The following BEGAIN variants were observed in gnomAD, a reference collection of about 807,000 sequenced individuals.
The protein encoded by BEGAIN is brain-enriched guanylate kinase-associated protein.
In BEGAIN, 19 loss-of-function variants were observed where a neutral mutation model predicts 35.8. The ratio of observed to expected loss-of-function variants is 0.53; its 90% CI spans 0.37 to 0.78. BEGAIN has a LOEUF of 0.78. Ranked by LOEUF, BEGAIN falls within the 30% of genes least tolerant of loss-of-function variation. The probability of loss-of-function intolerance (pLI) is 0.00; values close to 1 mark genes in which losing one functional copy is unlikely to be tolerated. For missense variants in BEGAIN, 795 were observed against 853.6 expected, an observed-to-expected ratio of 0.93 and a Z score of 0.85; for synonymous variants, 462 against 388.6, an observed-to-expected ratio of 1.19 and a Z score of -2.22.
rs2030764123 is a variant in BEGAIN at position 100,537,699 on chromosome 14, A to AG, written c.*269dup. ...TATAAAAATAGTTTCGCTTTATAAA[A>AG]GGGGGGATGCTCCTCTCACATGGGG... On this transcript the variant is annotated 3_prime_UTR_variant, in exon 7 of 7. Transcript: ENST00000554140. The AG allele has an allele frequency of 2.3e-6, 1 of 435,500 alleles. No homozygotes were observed. Among genetic ancestry groups the AG allele is most frequent in the African/African-American group, 2.0e-5 (1 of 48,866 alleles). 27.0% of individuals were successfully genotyped at this position (435,500 alleles called of 1,614,324 possible). A position where few individuals can be genotyped will look rare whatever the true frequency, so the allele number is the denominator to read the frequency against.
In BEGAIN at chr14:100,540,645, G is replaced by A. The variant is rs1417427141; in HGVS notation, c.409-66C>T. 7 of 1,262,060 alleles carry A rather than the reference G, an allele frequency of 5.5e-6. No homozygotes were observed. The Middle Eastern group carries it at 7.3e-4, about 132-fold the overall frequency. 78.2% of individuals were successfully genotyped at this position (1,262,060 alleles called of 1,614,324 possible). A position where few individuals can be genotyped will look rare whatever the true frequency, so the allele number is the denominator to read the frequency against. On this transcript the variant is annotated intron_variant, in intron 5 of 6. Coordinates refer to ENST00000554140, the MANE Select transcript of BEGAIN (RefSeq NM_001385089.1). ...CCAAGGCCCCGCCGCCCTGACCAGC[G>A]CCAAGTGGCCAGCGGGGGCAGTGGT...
At chr14:100,577,154 A>C (rs1017006665) in intron 1 of BEGAIN, among the ~76,000 whole-genome samples, 5 of 152,222 alleles carry the variant, frequency 3.3e-5, no homozygotes, top group Non-Finnish European at 7.3e-5. Context: ...CCAAAGCCAG[A>C]AATTTCACCT....
At chr14:100,553,345 G>T (rs556249644) in intron 2 of BEGAIN, among the ~76,000 whole-genome samples, 1 of 152,106 alleles carries the variant, frequency 6.6e-6, no homozygotes, top group African/African-American at 2.4e-5. Flanking sequence ...CCTGTGGGAC[G>T]CTGTGACTGC....
chr14:100,553,643 T>A (rs1170368148), intron 2 of BEGAIN, among the ~76,000 whole-genome samples: 1 of 152,082 alleles, frequency 6.6e-6, no homozygotes, highest in Non-Finnish European at 1.5e-5. Flanking sequence ...CCCCAGGTCC[T>A]CTCCTCTGTT....
intron 1 of BEGAIN, among the ~76,000 whole-genome samples, chr14:100,572,004 GGTGTTGGC>G: frequency 6.6e-6 from 1 of 152,258 alleles, no homozygotes; most frequent in African/African-American, 2.4e-5. Context: ...GTGAGCAGGT[GGTGTTGGC>G]CTGAACGAAT....
At chr14:100,575,974 G>C (rs1258906697) in intron 1 of BEGAIN, among the ~76,000 whole-genome samples, 2 of 152,160 alleles carry the variant, frequency 1.3e-5, no homozygotes, top group Non-Finnish European at 2.9e-5. Flanking sequence ...GAGCAGCAGA[G>C]AAGTGGGGCT....
chr14:100,538,370 C>T lies in BEGAIN; in HGVS notation c.1438G>A (p.Asp480Asn), dbSNP rs780959076. 6 of 1,513,982 alleles carry T rather than the reference C, an allele frequency of 4.0e-6. No homozygotes were observed. The highest frequency in any genetic ancestry group is 4.4e-6 in the Non-Finnish European group (5 of 1,138,406). 93.8% of individuals were successfully genotyped at this position (1,513,982 alleles called of 1,614,324 possible). ...GCGTAGAGCGGGCTGGCGCGGCCGT[C>T]GGCCTTCTTGCCCGGGCTGCCCCCG... ...GAGGSPGKKA[D>N]GRASPLYASY... Residue 480 changes from aspartate to asparagine, a missense_variant, in exon 7 of 7, where the codon GAC (aspartate) becomes AAC (asparagine). By Grantham distance (23) the Asp-to-Asn change is conservative. Coordinates refer to ENST00000554140, the MANE Select transcript of BEGAIN (RefSeq NM_001385089.1).
chr14:100,584,593 C>T lies in BEGAIN; in HGVS notation c.42+2656G>A, dbSNP rs1174233771. ...CTTAGTCATTCATCATTCATTCATT[C>T]ATTCATTCCTATAATGATTAAAGCA... On this transcript the variant is annotated intron_variant, in intron 1 of 6. Transcript: ENST00000554140. Among the ~76,000 whole-genome samples the T allele has an allele frequency of 3.3e-5, 5 of 152,190 alleles. 1 individual carries two copies. In the South Asian group the frequency reaches 1.0e-3, roughly 32 times the overall value.
chr14:100,545,126 T>A, intron 3 of BEGAIN, 60 bp from the exon 4 acceptor site: 1 of 1,609,270 alleles, frequency 6.2e-7, no homozygotes, highest in Non-Finnish European at 8.5e-7. Flanking sequence ...ACGACCCTTA[T>A]GGCCGCACAG....
intron 2 of BEGAIN, among the ~76,000 whole-genome samples, chr14:100,560,008 G>T (rs1316119302): frequency 6.6e-6 from 1 of 152,200 alleles, no homozygotes; most frequent in Non-Finnish European, 1.5e-5. Context: ...TGGTGTCTAG[G>T]ATCCCCCAAT....
chr14:100,561,698 G>A (rs1032772984), intron 2 of BEGAIN, among the ~76,000 whole-genome samples: 6 of 151,136 alleles, frequency 4.0e-5, no homozygotes, highest in South Asian at 4.2e-4. Flanking sequence ...CCAGCCTGGC[G>A]GACAGAGCAA....
rs1226441358 is a variant in BEGAIN at position 100,546,463 on chromosome 14, GGCCCTCGCCCCGC to G, written c.233+25_233+37del. The G allele has an allele frequency of 5.1e-4, 355 of 702,906 alleles. 16 individuals are homozygous for G. Among genetic ancestry groups the G allele is most frequent in the Admixed American group, 4.6e-3 (67 of 14,486 alleles). 43.5% of individuals were successfully genotyped at this position (702,906 alleles called of 1,614,324 possible). On this transcript the variant is annotated intron_variant, in intron 3 of 6. Transcript: ENST00000554140. ...CCCGCCCCGGCCCTCGCCCCGCCCCGGCCCTCGCCCCGCCCCGGCCCTCGCCCCGCCCCTCACC... is the reference window on the plus strand; with the variant it reads ...CCCGCCCCGGCCCTCGCCCCGCCCCGCCCGGCCCTCGCCCCGCCCCTCACC...
intron 2 of BEGAIN, among the ~76,000 whole-genome samples, chr14:100,553,854 C>T (rs2033444726): frequency 6.6e-6 from 1 of 152,242 alleles, no homozygotes; most frequent in Non-Finnish European, 1.5e-5. Context: ...ACAAGACAGC[C>T]AGAGGGCGCG....
rs912086930 is a variant in BEGAIN at position 100,586,774 on chromosome 14, C to T, written c.42+475G>A. 6.6e-6 allele frequency among the ~76,000 whole-genome samples: 1 copy of T among 152,194 alleles called. No individual in the cohort carries two copies. The highest frequency in any genetic ancestry group is 2.4e-5 in the African/African-American group (1 of 41,462). ...GCTGCAAACGCTCAATGAGGCGGCC[C>T]CGGGTCCAGCCTCCTTCCGGCTCCC... On this transcript the variant is annotated intron_variant, in intron 1 of 6. Transcript: ENST00000554140. This position sits in a 1 kb window ranked among gnomAD's most constrained non-coding sequence, Gnocchi z 4.9.
Position 100,574,331 on chromosome 14 carries a change from C to T in BEGAIN, c.43-6392G>A, listed in dbSNP as rs560359855. On this transcript the variant is annotated intron_variant, in intron 1 of 6. Transcript: ENST00000554140. ...GAATTTGGGCACCTGGCCTCGGCTG[C>T]AGAGGTGACCCTGTCCCACCTGTGA... Among the ~76,000 whole-genome samples, 20 of 152,314 alleles carry T rather than the reference C, an allele frequency of 1.3e-4. No individual in the cohort carries two copies. In the South Asian group the frequency reaches 3.5e-3, roughly 27 times the overall value.
Position 100,538,534 on chromosome 14 carries a change from G to C in BEGAIN, c.1274C>G (p.Thr425Ser). 2.6e-6 allele frequency: 4 copies of C among 1,517,550 alleles called. No homozygotes were observed. Among genetic ancestry groups the C allele is most frequent in the Non-Finnish European group, 3.5e-6 (4 of 1,135,434 alleles). 94.0% of individuals were successfully genotyped at this position (1,517,550 alleles called of 1,614,324 possible). ...NLWSLRAKPG[T>S]ARLPGEDMRG... is the part of the protein sequence containing the mutation. ...CATGTCCTCCCCGGGGAGCCGGGCG[G>C]TCCCCGGCTTGGCCCGCAGGCTCCA... Residue 425 changes from threonine to serine, a missense_variant, in exon 7 of 7, where the codon ACC becomes AGC. Transcript: ENST00000554140.
intron 4 of BEGAIN, among the ~76,000 whole-genome samples, chr14:100,544,420 G>A (rs1478234756): frequency 6.6e-6 from 1 of 152,194 alleles, no homozygotes; most frequent in Non-Finnish European, 1.5e-5. Context: ...GCAGGTTGTT[G>A]CTTTCAAAAC....
chr14:100,577,733 G>A (rs573426233), intron 1 of BEGAIN: 9 of 399,124 alleles, frequency 2.3e-5, no homozygotes, highest in East Asian at 2.1e-4. Flanking sequence ...GGCGACACCC[G>A]GGCCATCTCC....
At chr14:100,557,400 G>C (rs1381191870) in intron 2 of BEGAIN, among the ~76,000 whole-genome samples, 1 of 152,256 alleles carries the variant, frequency 6.6e-6, no homozygotes, top group Non-Finnish European at 1.5e-5. Context: ...CAGGAGGGGA[G>C]TCAGGTCCAG....
Sources: gnomAD v4.1 joint callset for allele counts (sites outside exome capture counted in the v4.1 genomes callset) on GRCh38, gnomAD v4.1.1 for gene constraint, Gnocchi (gnomAD v3.1) non-coding constraint, MANE v1.5 for transcripts, NCBI Gene and HGNC (gene_info 2026-07-23, HGNC 2026-07-21) for gene names.